The following GRIA2 variants were observed in gnomAD, a reference collection of about 807,000 sequenced individuals.
The protein encoded by GRIA2 is glutamate receptor 2.
GRIA2 carries 14 observed loss-of-function variants against 97.3 expected under a neutral mutation model. The observed-to-expected ratio is 0.14, with a 90% CI of 0.10 to 0.23. GRIA2 has a LOEUF of 0.23. GRIA2 is among the 10% of genes least tolerant of loss of function. The pLI is 1.00. For missense variants in GRIA2, 558 were observed against 1,069.8 expected, an observed-to-expected ratio of 0.52 and a Z score of 6.67; for synonymous variants, 412 against 387.8, an observed-to-expected ratio of 1.06 and a Z score of -0.73.
At chr4:157,340,771 C>G (rs904976118) in intron 11 of GRIA2, among the ~76,000 whole-genome samples, 3 of 151,590 alleles carry the variant, frequency 2.0e-5, no homozygotes, top group African/African-American at 4.8e-5. Context: ...AAATTTGAGG[C>G]CTTTTTTGTT....
intron 2 of GRIA2, among the ~76,000 whole-genome samples, chr4:157,276,154 G>T (rs1212093305): frequency 6.6e-6 from 1 of 151,930 alleles, no homozygotes; most frequent in African/African-American, 2.4e-5. Flanking sequence ...CTCATGATTT[G>T]GCTCTCTGTT....
At chr4:157,315,189 G>A (rs1734256883) in intron 4 of GRIA2, among the ~76,000 whole-genome samples, 1 of 152,070 alleles carries the variant, frequency 6.6e-6, no homozygotes, top group South Asian at 2.1e-4. Flanking sequence ...TAAACAATAG[G>A]CCAGCCACCA....
chr4:157,250,377 G>T (rs1730968335), intron 2 of GRIA2, among the ~76,000 whole-genome samples: 1 of 152,024 alleles, frequency 6.6e-6, no homozygotes, highest in Non-Finnish European at 1.5e-5. Flanking sequence ...TCTTATCATT[G>T]AGGCACAGGG....
chr4:157,221,165 C>A, intron 1 of GRIA2, 35 bp downstream of exon 1: 1 of 1,038,238 alleles, frequency 9.6e-7, no homozygotes, highest in Non-Finnish European at 1.5e-6. Flanking sequence ...TTGAATTGTG[C>A]ATAATTTGGT....
intron 2 of GRIA2, among the ~76,000 whole-genome samples, chr4:157,282,790 A>G (rs888001333): frequency 1.3e-5 from 2 of 152,114 alleles, no homozygotes; most frequent in Admixed American, 1.3e-4. Context: ...ACTCAGGTCT[A>G]TTTCTGGCAA....
chr4:157,297,769 T>G (rs1488376188), intron 2 of GRIA2, among the ~76,000 whole-genome samples: 1 of 148,030 alleles, frequency 6.8e-6, no homozygotes, highest in Non-Finnish European at 1.5e-5. Flanking sequence ...AGTGGCATTT[T>G]ATGTATTTCT....
intron 2 of GRIA2, among the ~76,000 whole-genome samples, chr4:157,245,435 C>G (rs1730691084): frequency 6.6e-6 from 1 of 152,054 alleles, no homozygotes; most frequent in Admixed American, 6.6e-5. Context: ...ATAAACAAGT[C>G]TCCTGAATCT....
chr4:157,348,687 T>A (rs1411694008), intron 12 of GRIA2, among the ~76,000 whole-genome samples: 1 of 152,206 alleles, frequency 6.6e-6, no homozygotes, highest in Non-Finnish European at 1.5e-5. Flanking sequence ...TTTTAAAATT[T>A]ATAGTATCTC....
At chr4:157,298,327 T>A (rs962341471) in intron 2 of GRIA2, among the ~76,000 whole-genome samples, 5 of 152,050 alleles carry the variant, frequency 3.3e-5, no homozygotes, top group Admixed American at 6.6e-5. Flanking sequence ...AAGTGCTTTG[T>A]AAATGTGCAA....
intron 12 of GRIA2, among the ~76,000 whole-genome samples, chr4:157,355,600 A>ATATTTATATATATTTATTTATATATATT (rs1215998868): frequency 7.8e-5 from 8 of 102,602 alleles, no homozygotes; most frequent in African/African-American, 2.1e-4. Context: ...ATTTATATAT[A>ATATTTATATATATTTATTTATATATATT]TATTTATATA....
chr4:157,223,399 G>A (rs1016227899), intron 2 of GRIA2, among the ~76,000 whole-genome samples: 8 of 152,154 alleles, frequency 5.3e-5, no homozygotes, highest in Admixed American at 1.3e-4. Context: ...GGTACAGAAC[G>A]AAAGAGAGAA....
chr4:157,279,268 TA>T (rs1383690051), intron 2 of GRIA2, among the ~76,000 whole-genome samples: 1 of 152,094 alleles, frequency 6.6e-6, no homozygotes, highest in East Asian at 1.9e-4. Context: ...TGTTCATCAC[TA>T]AAAAGAACTA....
intron 2 of GRIA2, among the ~76,000 whole-genome samples, chr4:157,292,131 GA>G (rs928390010): frequency 6.6e-6 from 1 of 151,658 alleles, no homozygotes; most frequent in Admixed American, 6.6e-5. Context: ...AAATGCTAAA[GA>G]AAAAAATGCA....
At chr4:157,250,898 G>A (rs1162405088) in intron 2 of GRIA2, among the ~76,000 whole-genome samples, 2 of 152,056 alleles carry the variant, frequency 1.3e-5, no homozygotes, top group Non-Finnish European at 2.9e-5. Context: ...GAAAGTATTA[G>A]AGAGGGTGCT....
At chr4:157,341,495 G>GA in intron 12 of GRIA2, 33 bp downstream of exon 12, 1 of 1,451,868 alleles carries the variant, frequency 6.9e-7, no homozygotes, top group Admixed American at 1.7e-5. Flanking sequence ...TTCTGATTTT[G>GA]TTCCTGAAAT....
chr4:157,249,427 A>G (rs1303879163), intron 2 of GRIA2: 2 of 152,294 alleles, frequency 1.3e-5, no homozygotes, highest in African/African-American at 4.8e-5. Context: ...TCACAATGTG[A>G]AATTATAGAC....
At chr4:157,330,905 G>A (rs1735021331) in intron 6 of GRIA2, among the ~76,000 whole-genome samples, 1 of 151,944 alleles carries the variant, frequency 6.6e-6, no homozygotes, top group African/African-American at 2.4e-5. Flanking sequence ...TTTCAAAGGA[G>A]ATAGTTACAT....
intron 6 of GRIA2, among the ~76,000 whole-genome samples, chr4:157,332,091 T>C (rs887699803): frequency 6.6e-6 from 1 of 152,072 alleles, no homozygotes; most frequent in East Asian, 1.9e-4. Context: ...GTAGTATAGA[T>C]ACATGCACAT....
chr4:157,334,303 T>C, intron 9 of GRIA2, 183 bp downstream of exon 9: 1 of 529,578 alleles, frequency 1.9e-6, no homozygotes, highest in Non-Finnish European at 3.4e-6. Context: ...ATTGAAAATG[T>C]TCCCCATTTT....
Sources: allele counts gnomAD v4.1 joint callset (sites outside exome capture counted in the v4.1 genomes callset), GRCh38; gene constraint gnomAD v4.1.1; transcripts MANE v1.5; gene names NCBI Gene and HGNC (gene_info 2026-07-23, HGNC 2026-07-21).